CPOX: variants seen among roughly 807,000 people sequenced by gnomAD.
The protein encoded by CPOX is coproporphyrinogen oxidase, also known as oxygen-dependent coproporphyrinogen-III oxidase, mitochondrial.
CPOX carries 24 observed loss-of-function variants against 48.9 expected under a neutral mutation model. That is an observed-to-expected ratio of 0.49 (90% CI 0.36 to 0.69). The LOEUF (loss-of-function observed/expected upper bound fraction) is 0.69, where lower values mean the gene tolerates loss of function less well. CPOX is among the 30% of genes least tolerant of loss of function. CPOX has a pLI of 0.00. For missense variants in CPOX, 549 were observed against 597.3 expected (o/e 0.92, Z 0.84); for synonymous variants, 249 against 234.6 (o/e 1.06, Z -0.56).
chr3:98,574,151 G>A, the CPOX span, among the ~76,000 whole-genome samples: 9 of 152,208 alleles, frequency 5.9e-5, no homozygotes, highest in African/African-American at 2.2e-4. Context: ...AGCATTTCAA[G>A]CACCTCAAAA....
At chr3:98,586,997 T>G (rs374228767) in intron 4 of CPOX, among the ~76,000 whole-genome samples, 38 of 152,324 alleles carry the variant, frequency 2.5e-4, no homozygotes, top group African/African-American at 8.2e-4. Context: ...ATTTCCTAAC[T>G]GTTAAACTTG....
At chr3:98,584,083 A>G (rs1707312298) in intron 5 of CPOX, among the ~76,000 whole-genome samples, 1 of 152,216 alleles carries the variant, frequency 6.6e-6, no homozygotes, top group South Asian at 2.1e-4. Flanking sequence ...CAAAACCGCA[A>G]AACAAACCAT....
downstream of CPOX, among the ~76,000 whole-genome samples, chr3:98,577,764 C>T (rs1399562308): frequency 1.3e-5 from 2 of 152,320 alleles, no homozygotes; most frequent in East Asian, 3.9e-4. Flanking sequence ...ATAGGCAATG[C>T]AGCCTGCAGT....
chr3:98,578,194 A>T (rs1707189966), downstream of CPOX: 1 of 833,474 alleles, frequency 1.2e-6, no homozygotes, highest in African/African-American at 1.8e-5. Context: ...ACAGTAGGAT[A>T]ATCTGTTTTC....
At position 98,590,789 on chromosome 3, in the gene CPOX, T is replaced by C. The variant is rs555834205; in HGVS notation, c.701-47A>G. ...ATGAGCTATATTCAGTTACCTTGAATGCCTTGATACAATTTCACTCTAATA... is the reference window on the plus strand; with the variant it reads ...ATGAGCTATATTCAGTTACCTTGAACGCCTTGATACAATTTCACTCTAATA... On this transcript the variant is annotated intron_variant, in intron 2 of 6. Transcript: ENST00000647941. The C allele has an allele frequency of 8.2e-5, 112 of 1,371,694 alleles. No homozygotes were observed. In the South Asian group the frequency reaches 1.0e-3, roughly 13 times the overall value. 85.0% of individuals were successfully genotyped at this position (1,371,694 alleles called of 1,614,324 possible). A position where few individuals can be genotyped will look rare whatever the true frequency, so the allele number is the denominator to read the frequency against.
intron 5 of CPOX, among the ~76,000 whole-genome samples, chr3:98,582,074 T>C (rs374024595): frequency 2.6e-5 from 4 of 152,356 alleles, no homozygotes; most frequent in South Asian, 4.1e-4. Context: ...AGTCATATAA[T>C]TCAGTCTCTC....
chr3:98,573,957 C>T, the CPOX span, among the ~76,000 whole-genome samples: 12 of 152,090 alleles, frequency 7.9e-5, no homozygotes, highest in African/African-American at 2.7e-4. Flanking sequence ...TACCTCATCC[C>T]GTGTTCATTT....
At chr3:98,574,217 T>G in the CPOX span, among the ~76,000 whole-genome samples, 29 of 152,218 alleles carry the variant, frequency 1.9e-4, no homozygotes, top group Non-Finnish European at 2.1e-4. Context: ...TCTATTACTG[T>G]TTAGCAAACC....
Position 98,593,324 on chromosome 3 carries a change from C to T in CPOX, c.181G>A (p.Gly61Arg). The part of the protein sequence containing the change: ...PGPAGTEQSR[G>R]LGHGSTSRGG... ...CTCGACGTCGAGCCGTGCCCCAGCC[C>T]GCGGCTCTGCTCCGTGCCAGCCGGG... is the stretch of plus-strand genomic sequence containing the variant. The change falls in exon 1 of 7, where the codon GGG (glycine) becomes AGG (arginine). Residue 61 changes from glycine to arginine, a missense_variant. This residue lies in a region of CPOX where 336 missense variants were observed against 318.1 expected (regional missense o/e 1.06). Coordinates refer to ENST00000647941, the MANE Select transcript of CPOX (RefSeq NM_000097.7). The T allele has an allele frequency of 1.4e-6, 2 of 1,433,574 alleles. No homozygotes were observed. The highest frequency in any genetic ancestry group is 1.8e-6 in the Non-Finnish European group (2 of 1,102,086). The allele number at this position is 1,433,574 out of a possible 1,614,324, so 88.8% of individuals were successfully genotyped here. A position where few individuals can be genotyped will look rare whatever the true frequency, so the allele number is the denominator to read the frequency against.
downstream of CPOX, chr3:98,578,229 ACATAGTCTAATC>A (rs1707190652): frequency 1.0e-6 from 1 of 965,588 alleles, no homozygotes; most frequent in African/African-American, 1.8e-5. Flanking sequence ...TTCTTTTCAG[ACATAGTCTAATC>A]CATAGTAGAA....
At chr3:98,585,387 G>T in intron 5 of CPOX, 54 bp downstream of exon 5, 2 of 1,397,260 alleles carry the variant, frequency 1.4e-6, no homozygotes, top group Non-Finnish European at 2.0e-6. Flanking sequence ...ATTATTAAGA[G>T]CTGCTCCACC....
Position 98,579,569 on chromosome 3 carries a change from T to C in CPOX, c.*1114A>G. ...AAACATTCAACGTGTTCCACGATAA[T>C]GATATGTATGAGATGCTCTTCCTTA... On this transcript the variant is annotated 3_prime_UTR_variant, in exon 7 of 7. Coordinates refer to ENST00000647941, the MANE Select transcript of CPOX (RefSeq NM_000097.7). 1 of 985,326 alleles carries C rather than the reference T, an allele frequency of 1.0e-6. No individual in the cohort carries two copies. Among genetic ancestry groups the C allele is most frequent in the Non-Finnish European group, 1.2e-6 (1 of 829,808 alleles). 61.0% of individuals were successfully genotyped at this position (985,326 alleles called of 1,614,324 possible). A position where few individuals can be genotyped will look rare whatever the true frequency, so the allele number is the denominator to read the frequency against.
Position 98,585,514 on chromosome 3 carries a change from G to A in CPOX, c.1099C>T (p.Pro367Ser). The A allele has an allele frequency of 6.2e-7, 1 of 1,614,076 alleles. No individual in the cohort carries two copies. Among genetic ancestry groups the A allele is most frequent in the Non-Finnish European group, 8.5e-7 (1 of 1,180,020 alleles). ...CARAVVPSYI[P>S]LVKKHCDDSF... ...TCATCACAGTGCTTTTTCACAAGGGGAATGTAAGAAGGAACTACAGCCCTG... is the reference window on the plus strand; with the variant it reads ...TCATCACAGTGCTTTTTCACAAGGGAAATGTAAGAAGGAACTACAGCCCTG... The change falls in exon 5 of 7, where the codon CCC (proline) becomes TCC (serine). Residue 367 changes from proline (P) to serine (S), a missense_variant. Coordinates refer to ENST00000647941, the MANE Select transcript of CPOX (RefSeq NM_000097.7).
Position 98,590,726 on chromosome 3 carries a change from A to T in CPOX, c.717T>A (p.Cys239Ter), listed in dbSNP as rs576756431. The change falls in exon 3 of 7, where the codon TGT becomes TGA. Residue 239 changes from cysteine (C) to a stop codon, truncating the protein, a stop_gained. Transcript: ENST00000647941. LOFTEE classifies it high-confidence loss of function. ...GGATAACAGAGCTCACGCCCATAGC[A>T]CAAAATGGCAATTTACCTGGAAAGT... ...LKTKDGKLPFCAMGVSSVIHP... is the reference protein window; with the variant it reads ...LKTKDGKLPF The T allele has an allele frequency of 5.6e-6, 9 of 1,613,502 alleles. No individual in the cohort carries two copies. In the Admixed American group the frequency reaches 1.2e-4, roughly 21 times the overall value.
At chr3:98,591,237 T>A (rs1329739360) in intron 1 of CPOX, 82 bp from the exon 2 acceptor site, 9 of 1,447,252 alleles carry the variant, frequency 6.2e-6, no homozygotes, top group Non-Finnish European at 7.8e-6. Context: ...GATGGTTATT[T>A]TCCCGTTTCC....
At position 98,585,532 on chromosome 3, in the gene CPOX, C is replaced by T; in HGVS notation, c.1081G>A (p.Val361Ile). ...ACAAGGGGAATGTAAGAAGGAACTA[C>T]AGCCCTGGCACAGCTCTGTACAAAG... Reference protein sequence around the residue: ...FRFVQSCARAVVPSYIPLVKK... With the variant: ...FRFVQSCARAIVPSYIPLVKK... The change falls in exon 5 of 7, where the codon GTA (valine) becomes ATA (isoleucine). Residue 361 changes from valine to isoleucine, a missense_variant. This residue lies in a region of CPOX where 213 missense variants were observed against 279.1 expected (regional missense o/e 0.76). Transcript: ENST00000647941. 6.2e-7 allele frequency: 1 copy of T among 1,614,120 alleles called. No individual in the cohort carries two copies. The highest frequency in any genetic ancestry group is 8.5e-7 in the Non-Finnish European group (1 of 1,180,018).
the CPOX span, among the ~76,000 whole-genome samples, chr3:98,572,888 A>G: frequency 6.6e-6 from 1 of 152,230 alleles, no homozygotes; most frequent in Non-Finnish European, 1.5e-5. Context: ...TTTTTCAATT[A>G]CAAGCTGCTG....
chr3:98,592,541 T>G (rs115106183), intron 1 of CPOX, among the ~76,000 whole-genome samples: 624 of 151,926 alleles, frequency 4.1e-3, no homozygotes, highest in African/African-American at 0.014. Flanking sequence ...AGGAGATGAG[T>G]TCTTTCCATC....
chr3:98,581,607 C>T (rs1456310259), intron 5 of CPOX, 96 bp from the exon 6 acceptor site: 1 of 954,744 alleles, frequency 1.0e-6, no homozygotes, highest in African/African-American at 1.6e-5. Context: ...GTTCTTCCCC[C>T]CAGTTCCCAT....
Sources: gnomAD v4.1 joint callset for allele counts (sites outside exome capture counted in the v4.1 genomes callset) on GRCh38, gnomAD v4.1.1 for gene constraint, gnomAD v4.1.1 regional missense constraint, MANE v1.5 for transcripts, NCBI Gene and HGNC (gene_info 2026-07-23, HGNC 2026-07-21) for gene names.